The following YIPF6 variants were observed in gnomAD, a reference collection of about 807,000 sequenced individuals.
YIPF6 encodes the protein protein YIPF6.
Under a neutral mutation model 16.8 loss-of-function variants are expected in YIPF6, and 3 were observed. The ratio of observed to expected loss-of-function variants is 0.18; its 90% CI spans 0.08 to 0.46. The LOEUF (loss-of-function observed/expected upper bound fraction) is 0.46, where lower values mean the gene tolerates loss of function less well. Ranked by LOEUF, YIPF6 falls within the 20% of genes least tolerant of loss-of-function variation. The probability of loss-of-function intolerance (pLI) is 0.98; values close to 1 mark genes in which losing one functional copy is unlikely to be tolerated. For synonymous variants in YIPF6, 67 were observed against 61.9 expected (o/e 1.08, Z -0.38); for missense variants, 145 against 184.9 (o/e 0.78, Z 1.25).
intron 4 of YIPF6, 111 bp downstream of exon 4, chrX:68,518,923 C>T (rs970702635): frequency 2.9e-6 from 2 of 686,147 alleles, no homozygotes; most frequent in African/African-American, 4.5e-5. Context: ...ACTTATATGA[C>T]ATGTTGTACA....
In YIPF6 at chrX:68,511,905, C is replaced by T. The variant is rs1220984369; in HGVS notation, c.114C>T (p.Ile38=). ...AAGACATCCCCGTAGAAGGAGAAATCACCATTCCTATGAGATCTCGCATCC... is the reference window on the plus strand; with the variant it reads ...AAGACATCCCCGTAGAAGGAGAAATTACCATTCCTATGAGATCTCGCATCC... The part of the protein sequence containing the change: ...ISQDIPVEGE[I]TIPMRSRIRE... The change falls in exon 2 of 7, where the codon ATC becomes ATT. Residue 38 remains isoleucine (I), a synonymous_variant. Transcript: ENST00000462683. 7.4e-6 allele frequency: 9 copies of T among 1,208,516 alleles called. No individual in the cohort carries two copies. Among genetic ancestry groups the T allele is most frequent in the Non-Finnish European group, 1.0e-5 (9 of 894,767 alleles).
At chrX:68,525,617 G>A (rs1158121781) in intron 6 of YIPF6, among the ~76,000 whole-genome samples, 2 of 111,924 alleles carry the variant, frequency 1.8e-5, no homozygotes, top group Admixed American at 9.5e-5. Flanking sequence ...TATGGTTTTA[G>A]GTGTTACATT....
At chrX:68,531,116 G>T (rs759622581) in intron 6 of YIPF6, among the ~76,000 whole-genome samples, 201 of 80,414 alleles carry the variant, frequency 2.5e-3, no homozygotes, top group Non-Finnish European at 3.8e-3. Flanking sequence ...ATTCTTTTTT[G>T]TTTGTTTGTT....
At chrX:68,530,247 G>A (rs962530194) in intron 6 of YIPF6, among the ~76,000 whole-genome samples, 3 of 111,420 alleles carry the variant, frequency 2.7e-5, no homozygotes, top group African/African-American at 9.8e-5. Context: ...CAACTTCCCT[G>A]TGGCTTTCTT....
intron 1 of YIPF6, 89 bp downstream of exon 1, chrX:68,499,212 C>A: frequency 9.3e-7 from 1 of 1,072,384 alleles, no homozygotes; most frequent in South Asian, 2.2e-5. Context: ...GCCTGAGAGC[C>A]GGAGCTCCTT....
intron 3 of YIPF6, among the ~76,000 whole-genome samples, chrX:68,516,627 T>C (rs973762095): frequency 1.8e-5 from 2 of 112,169 alleles, no homozygotes; most frequent in Non-Finnish European, 3.8e-5. Flanking sequence ...CAAAATTACT[T>C]ATACAATTAA....
At position 68,531,887 on chromosome X, in the gene YIPF6, C is replaced by T; in HGVS notation, c.599C>T (p.Thr200Ile). ...TTTGTCTTGTTTTGTTTAGCCTCCA[C>T]AGCTTTCCTTGCTGATAGCCAGCCT... ...VMFAWSIVAS[T>I]AFLADSQPPN... Residue 200 changes from threonine to isoleucine, a missense_variant, in exon 7 of 7, where the codon ACA (threonine) becomes ATA (isoleucine). Transcript: ENST00000462683. 1 of 1,178,308 alleles carries T rather than the reference C, an allele frequency of 8.5e-7. No homozygotes were observed. Among genetic ancestry groups the T allele is most frequent in the South Asian group, 1.9e-5 (1 of 53,952 alleles).
intron 1 of YIPF6, among the ~76,000 whole-genome samples, chrX:68,502,307 G>A (rs1602448634): frequency 8.9e-6 from 1 of 111,898 alleles, no homozygotes; most frequent in Non-Finnish European, 1.9e-5. Context: ...CAGAATCCAC[G>A]AGGGTTTGTA....
chrX:68,510,547 TTTTG>T, intron 1 of YIPF6: 1 of 106,199 alleles, frequency 9.4e-6, no homozygotes, highest in East Asian at 2.8e-4. Flanking sequence ...AAGAAATTGT[TTTTG>T]TTTTATTTTA....
rs1227967978 is a variant in YIPF6, at chrX:68,506,789, G to A, written c.58-5060G>A. On this transcript the variant is annotated intron_variant, in intron 1 of 6. Coordinates refer to ENST00000462683, the MANE Select transcript of YIPF6 (RefSeq NM_173834.4). The stretch of plus-strand genomic sequence containing the variant: ...CCTTCTTGCTATGTTGCCCAGGCTG[G>A]AGTGCAGTGGCTGTTCACAGTCGTG... Among the ~76,000 whole-genome samples the A allele has an allele frequency of 3.6e-5, 4 of 111,030 alleles. No individual in the cohort carries two copies. In the Admixed American group the frequency reaches 3.9e-4, roughly 11 times the overall value.
intron 1 of YIPF6, among the ~76,000 whole-genome samples, chrX:68,504,363 C>G (rs954979492): frequency 6.3e-5 from 7 of 111,292 alleles, no homozygotes; most frequent in Admixed American, 2.9e-4. Context: ...CCCACCACTC[C>G]CGAAAGTTTG....
intron 6 of YIPF6, among the ~76,000 whole-genome samples, chrX:68,524,979 G>A (rs2079141784): frequency 1.8e-5 from 2 of 111,658 alleles, no homozygotes; most frequent in Admixed American, 9.6e-5. Flanking sequence ...ACATAGGTGT[G>A]CATGTGTCTT....
rs1034747392 is a variant in YIPF6 at position 68,536,202 on chromosome X, A to T, written c.*4203A>T. Reference sequence around the variant, plus strand: ...GATCATTTTGTAACTTCACCAAGAAACCCCAGGTCTGTCAGCAGTCAGTTC... The same window carrying T: ...GATCATTTTGTAACTTCACCAAGAATCCCCAGGTCTGTCAGCAGTCAGTTC... On this transcript the variant is annotated 3_prime_UTR_variant, in exon 7 of 7. Coordinates refer to ENST00000462683, the MANE Select transcript of YIPF6 (RefSeq NM_173834.4). 9.0e-6 allele frequency: 1 copy of T among 111,306 alleles called. No individual in the cohort carries two copies. Among genetic ancestry groups the T allele is most frequent in the African/African-American group, 3.3e-5 (1 of 30,615 alleles). The allele number at this position is 111,306 out of a possible 1,213,427, so 9.2% of individuals were successfully genotyped here.
In YIPF6 at chrX:68,535,749, A is replaced by G. The variant is rs759066291; in HGVS notation, c.*3750A>G. Reference sequence around the variant, plus strand: ...ATTCTATTTTTTTAAGAATTTTTAAAATAACAGCTTTATTGAAATACACTT... The same window carrying G: ...ATTCTATTTTTTTAAGAATTTTTAAGATAACAGCTTTATTGAAATACACTT... On this transcript the variant is annotated 3_prime_UTR_variant, in exon 7 of 7. Coordinates refer to ENST00000462683, the MANE Select transcript of YIPF6 (RefSeq NM_173834.4). 1 of 111,398 alleles carries G rather than the reference A, an allele frequency of 9.0e-6. No individual in the cohort carries two copies. The highest frequency in any genetic ancestry group is 1.9e-5 in the Non-Finnish European group (1 of 53,168). 9.2% of individuals were successfully genotyped at this position (111,398 alleles called of 1,213,427 possible).
At chrX:68,518,948 G>T in intron 4 of YIPF6, 136 bp downstream of exon 4, 1 of 561,485 alleles carries the variant, frequency 1.8e-6, no homozygotes, top group Non-Finnish European at 2.7e-6. Flanking sequence ...ATACTCCTTA[G>T]GTATTTAAGC....
At position 68,524,334 on chromosome X, in the gene YIPF6, A is replaced by G. The variant is rs747598364; in HGVS notation, c.592+1417A>G. Among the ~76,000 whole-genome samples, 450 of 109,097 alleles carry G rather than the reference A, an allele frequency of 4.1e-3. 2 individuals are homozygous for G. The highest frequency in any genetic ancestry group is 0.014 in the African/African-American group (431 of 30,026). 94.7% of individuals were successfully genotyped at this position (109,097 alleles called of 115,157 possible). On this transcript the variant is annotated intron_variant, in intron 6 of 6. Coordinates refer to ENST00000462683, the MANE Select transcript of YIPF6 (RefSeq NM_173834.4). The stretch of plus-strand genomic sequence containing the variant: ...CAGCTATGTGCCACCACATCCGATT[A>G]ATGTTTGTGTTTTTAGTAGAGATGG...
chrX:68,501,435 C>T (rs1280156557), intron 1 of YIPF6, among the ~76,000 whole-genome samples: 1 of 111,621 alleles, frequency 9.0e-6, no homozygotes, highest in Non-Finnish European at 1.9e-5. Context: ...TGCGTATTTG[C>T]TACTAAACTT....
At chrX:68,518,943 C>T (rs758729869) in intron 4 of YIPF6, 131 bp downstream of exon 4, 2 of 583,782 alleles carry the variant, frequency 3.4e-6, no homozygotes, top group Admixed American at 8.7e-5. Flanking sequence ...ATGTTATACT[C>T]CTTAGGTATT....
At chrX:68,531,628 A>C (rs1352069149) in intron 6 of YIPF6, among the ~76,000 whole-genome samples, 2 of 112,125 alleles carry the variant, frequency 1.8e-5, no homozygotes, top group Non-Finnish European at 3.8e-5. Context: ...TTTCCAGAAA[A>C]GGGTAAAAAA....
Sources: gnomAD v4.1 joint callset for allele counts (sites outside exome capture counted in the v4.1 genomes callset) on GRCh38, gnomAD v4.1.1 for gene constraint, MANE v1.5 for transcripts, NCBI Gene and HGNC (gene_info 2026-07-23, HGNC 2026-07-21) for gene names.